The following CTNNA3 variants were observed in gnomAD, a reference collection of about 807,000 sequenced individuals.
The protein encoded by CTNNA3 is catenin alpha 3, also known as catenin alpha-3.
CTNNA3 carries 76 observed loss-of-function variants against 95.7 expected under a neutral mutation model. The ratio of observed to expected loss-of-function variants is 0.79; its 90% confidence interval spans 0.66 to 0.96. The LOEUF (loss-of-function observed/expected upper bound fraction) is 0.96. CTNNA3 is among the 40% of genes least tolerant of loss of function. The probability of loss-of-function intolerance (pLI) is 0.00; values close to 1 mark genes in which losing one functional copy is unlikely to be tolerated. For synonymous variants in CTNNA3, 431 were observed against 374.4 expected (o/e 1.15, Z -1.74); for missense variants, 1,191 against 1,089.8 (o/e 1.09, Z -1.31).
intron 9 of CTNNA3, among the ~76,000 whole-genome samples, chr10:66,670,387 G>A (rs1028723816): frequency 6.6e-6 from 1 of 152,124 alleles, no homozygotes; most frequent in African/African-American, 2.4e-5. Context: ...TCAATTCCAT[G>A]CTACCATAGA....
intron 7 of CTNNA3, among the ~76,000 whole-genome samples, chr10:66,949,330 G>A (rs1848422063): frequency 6.6e-6 from 1 of 152,152 alleles, no homozygotes; most frequent in Non-Finnish European, 1.5e-5. Context: ...GCCGAGGCAG[G>A]TGGATCACCT....
chr10:67,537,333 T>C (rs1840517709), intron 4 of CTNNA3, among the ~76,000 whole-genome samples: 1 of 152,214 alleles, frequency 6.6e-6, no homozygotes, highest in Non-Finnish European at 1.5e-5. Flanking sequence ...TTAAATTCAA[T>C]GTGCCTCAGC....
At chr10:67,036,400 C>T (rs576023808) in intron 7 of CTNNA3, among the ~76,000 whole-genome samples, 14 of 152,108 alleles carry the variant, frequency 9.2e-5, no homozygotes, top group South Asian at 8.3e-4. Context: ...TCCCAAGTAG[C>T]GACACCTGTA....
At chr10:66,838,105 T>G (rs1383596993) in intron 7 of CTNNA3, among the ~76,000 whole-genome samples, 7 of 152,250 alleles carry the variant, frequency 4.6e-5, no homozygotes, top group African/African-American at 1.2e-4. Flanking sequence ...CTGAGTGGTT[T>G]GTTTATGATT....
At chr10:65,973,492 C>T (rs10822686) in intron 16 of CTNNA3, among the ~76,000 whole-genome samples, 123,075 of 152,066 alleles carry the variant, frequency 0.81, 49,962 homozygotes, top group Non-Finnish European at 0.84. Context: ...ACTTAAACAA[C>T]TGAGCAAGCA....
chr10:65,924,233 T>C (rs2077132127), intron 17 of CTNNA3, among the ~76,000 whole-genome samples: 1 of 152,114 alleles, frequency 6.6e-6, no homozygotes, highest in Non-Finnish European at 1.5e-5. Context: ...ATGGCATGGT[T>C]CTCTCAACAC....
intron 7 of CTNNA3, chr10:66,926,505 C>A: frequency 6.5e-7 from 1 of 1,541,554 alleles, no homozygotes; most frequent in South Asian, 1.1e-5. Flanking sequence ...CACTACAGTG[C>A]AGCTGACAGG....
intron 11 of CTNNA3, among the ~76,000 whole-genome samples, chr10:66,502,469 CT>C (rs1367386239): frequency 6.6e-6 from 1 of 152,018 alleles, no homozygotes; most frequent in East Asian, 1.9e-4. Flanking sequence ...GGATTTTGCT[CT>C]AATTTTTAAA....
intron 15 of CTNNA3, among the ~76,000 whole-genome samples, chr10:66,055,649 C>T (rs554211117): frequency 6.1e-4 from 93 of 152,120 alleles, no homozygotes; most frequent in Non-Finnish European, 9.3e-4. Context: ...ATCGGCCGGG[C>T]GTGATGGCTT....
At chr10:66,251,302 C>A (rs961158926) in intron 13 of CTNNA3, among the ~76,000 whole-genome samples, 2 of 34,326 alleles carry the variant, frequency 5.8e-5, no homozygotes, top group Admixed American at 1.1e-3. Flanking sequence ...AAGATTATAC[C>A]TTTGAAATTA....
At chr10:66,943,833 A>G (rs1848146878) in intron 7 of CTNNA3, among the ~76,000 whole-genome samples, 1 of 152,182 alleles carries the variant, frequency 6.6e-6, no homozygotes, top group Non-Finnish European at 1.5e-5. Context: ...GCTGTACTGT[A>G]GTCTATTAAG....
Position 67,742,242 on chromosome 10 carries a change from T to C in CTNNA3, c.-2+21192A>G, listed in dbSNP as rs868490127. ...TGCACTTATTCCAAAATTTACCACA[T>C]AGTTGGAAGTAAAGCACTCCTCAGC... On this transcript the variant is annotated intron_variant, in intron 1 of 17. Transcript: ENST00000684154. Among the ~76,000 whole-genome samples, 9 of 151,178 alleles carry C rather than the reference T, an allele frequency of 6.0e-5. No homozygotes were observed. The South Asian group carries it at 1.5e-3, about 25-fold the overall frequency.
intron 5 of CTNNA3, among the ~76,000 whole-genome samples, chr10:67,298,341 G>C (rs1840128143): frequency 6.6e-6 from 1 of 152,218 alleles, no homozygotes; most frequent in Non-Finnish European, 1.5e-5. Flanking sequence ...CAAGCATTGT[G>C]CTTGATGGTG....
intron 5 of CTNNA3, among the ~76,000 whole-genome samples, chr10:67,221,094 C>T (rs1225668143): frequency 1.3e-5 from 2 of 152,076 alleles, no homozygotes; most frequent in African/African-American, 4.8e-5. Context: ...AGGATTAGAT[C>T]CTGGAACAGA....
At chr10:66,547,754 G>A (rs1842084116) in intron 10 of CTNNA3, among the ~76,000 whole-genome samples, 1 of 152,088 alleles carries the variant, frequency 6.6e-6, no homozygotes, top group Non-Finnish European at 1.5e-5. Flanking sequence ...TTATTTGCAA[G>A]CTTTAAAATA....
chr10:66,287,007 C>A (rs1479058350), intron 12 of CTNNA3, among the ~76,000 whole-genome samples: 1 of 151,938 alleles, frequency 6.6e-6, no homozygotes, highest in Non-Finnish European at 1.5e-5. Flanking sequence ...AATTTGAAAT[C>A]AGATTCAGTT....
chr10:66,616,134 A>G (rs368442605), intron 10 of CTNNA3, among the ~76,000 whole-genome samples: 2 of 152,182 alleles, frequency 1.3e-5, no homozygotes, highest in African/African-American at 2.4e-5. Flanking sequence ...TTCATAAAAC[A>G]GACAGATCCA....
chr10:65,998,348 GATAA>G (rs371752923), intron 15 of CTNNA3, among the ~76,000 whole-genome samples: 51 of 152,124 alleles, frequency 3.4e-4, no homozygotes, highest in African/African-American at 1.0e-3. Flanking sequence ...ACTGAAATAT[GATAA>G]GGGGACATTT....
chr10:66,684,898 G>A (rs1847193429), intron 9 of CTNNA3, among the ~76,000 whole-genome samples: 2 of 112,716 alleles, frequency 1.8e-5, no homozygotes, highest in Admixed American at 7.9e-5. Context: ...AGGAATAAAC[G>A]TGATGATTCT....
Sources: gnomAD v4.1 joint callset for allele counts (sites outside exome capture counted in the v4.1 genomes callset) on GRCh38, gnomAD v4.1.1 for gene constraint, MANE v1.5 for transcripts, NCBI Gene and HGNC (gene_info 2026-07-23, HGNC 2026-07-21) for gene names.